ARHGEF37: variants seen among roughly 807,000 people sequenced by gnomAD.
The protein encoded by ARHGEF37 is Rho guanine nucleotide exchange factor 37.
Under a neutral mutation model 71.1 loss-of-function variants are expected in ARHGEF37, and 55 were observed. The observed-to-expected ratio is 0.77, with a 90% CI of 0.62 to 0.97. The LOEUF (loss-of-function observed/expected upper bound fraction) is 0.97. Among genes scored for constraint, ARHGEF37 ranks in the 50% least tolerant of loss-of-function variants. ARHGEF37 has a pLI of 0.00. For synonymous variants in ARHGEF37, 327 were observed against 350.6 expected (o/e 0.93, Z 0.75); for missense variants, 765 against 836.8 (o/e 0.91, Z 1.06).
At chr5:149,552,699 G>T (rs1159953795) in intron 1 of ARHGEF37, among the ~76,000 whole-genome samples, 1 of 152,002 alleles carries the variant, frequency 6.6e-6, no homozygotes, top group Admixed American at 6.6e-5. Flanking sequence ...TTAGCCGGGT[G>T]TGATGGCGCA....
At chr5:149,585,508 C>T (rs962348625) in intron 1 of ARHGEF37, among the ~76,000 whole-genome samples, 6 of 151,950 alleles carry the variant, frequency 3.9e-5, no homozygotes, top group Non-Finnish European at 7.4e-5. Flanking sequence ...CTACATAGTG[C>T]ATACTGTATT....
intron 1 of ARHGEF37, among the ~76,000 whole-genome samples, chr5:149,561,367 G>A (rs1762828267): frequency 6.6e-6 from 1 of 151,202 alleles, no homozygotes; most frequent in South Asian, 2.1e-4. Context: ...AGTGACCTCT[G>A]TAAATCTCTT....
chr5:149,601,705 G>A (rs536669527), intron 3 of ARHGEF37, among the ~76,000 whole-genome samples: 1 of 152,328 alleles, frequency 6.6e-6, no homozygotes, highest in East Asian at 1.9e-4. Flanking sequence ...TAACTTCTGG[G>A]TGTGAGGGAA....
At chr5:149,597,983 G>C in intron 2 of ARHGEF37, 28 bp downstream of exon 2, 2 of 1,528,660 alleles carry the variant, frequency 1.3e-6, no homozygotes, top group Non-Finnish European at 1.8e-6. Context: ...CACACAACCT[G>C]TCTTTATAGG....
intron 4 of ARHGEF37, among the ~76,000 whole-genome samples, chr5:149,614,752 C>A (rs1057017986): frequency 2.0e-5 from 3 of 152,186 alleles, no homozygotes; most frequent in Non-Finnish European, 2.9e-5. Context: ...CTGCCCCCTG[C>A]AGCTTCTGAG....
rs779052662 is a variant in ARHGEF37, at chr5:149,620,480, C to T, written c.1005+16C>T. On this transcript the variant is annotated intron_variant, in intron 8 of 12. Transcript: ENST00000333677. ...CCTGAAATTTGTGAGTGGAACCTTT[C>T]CTTTCTCCTTTCTTTGTTAGGCAGG... The T allele has an allele frequency of 1.9e-6, 3 of 1,550,036 alleles. No individual in the cohort carries two copies. In the African/African-American group the frequency reaches 4.1e-5, roughly 21 times the overall value.
chr5:149,632,054 A>G lies in ARHGEF37; in HGVS notation c.1891A>G (p.Ile631Val), dbSNP rs1156404381. 4 of 1,614,124 alleles carry G rather than the reference A, an allele frequency of 2.5e-6. No individual in the cohort carries two copies. The African/African-American group carries it at 4.0e-5, about 16-fold the overall frequency. Reference protein sequence around the residue: ...VSLQAGQPVTILEAQDKKGNP... With the variant: ...VSLQAGQPVTVLEAQDKKGNP... ...CCTGCAGGCAGGCCAGCCTGTGACC[A>G]TCCTGGAGGCCCAGGACAAGAAGGG... Residue 631 changes from isoleucine (I) to valine (V), a missense_variant, in exon 13 of 13, where the codon ATC becomes GTC. By Grantham distance (29) the Ile-to-Val change is conservative. Around this residue, in one of 5 missense-constraint regions of ARHGEF37, gnomAD observed 390 missense variants for 407.4 expected, o/e 0.96. Transcript: ENST00000333677.
intron 3 of ARHGEF37, among the ~76,000 whole-genome samples, chr5:149,606,197 C>T (rs139751364): frequency 6.6e-6 from 1 of 152,308 alleles, no homozygotes; most frequent in East Asian, 1.9e-4. Context: ...CTAGGTTTCA[C>T]GGCCACACCC....
rs182537443 is a variant in ARHGEF37, at chr5:149,554,297, T to G, written c.-12+2174T>G. ...GTGAGCTATGATCAAACCACAGCAT[T>G]CCAGCCTGAGCAACAGAGTGAGACC... On this transcript the variant is annotated intron_variant, in intron 1 of 2. Coordinates refer to the ARHGEF37 transcript ENST00000505810. Among the ~76,000 whole-genome samples, 3 of 152,276 alleles carry G rather than the reference T, an allele frequency of 2.0e-5. No homozygotes were observed. In the East Asian group the frequency reaches 5.8e-4, roughly 29 times the overall value.
Position 149,554,209 on chromosome 5 carries a change from A to C in ARHGEF37, c.-12+2086A>C, listed in dbSNP as rs139751280. ...GCTGCGTACGGTGGCTCATGCATGTAATCCCAACACTTTGGGAGGCCAAGG... is the reference window on the plus strand; with the variant it reads ...GCTGCGTACGGTGGCTCATGCATGTCATCCCAACACTTTGGGAGGCCAAGG... On this transcript the variant is annotated intron_variant, in intron 1 of 2. Coordinates refer to the ARHGEF37 transcript ENST00000505810. 2.0e-5 allele frequency among the ~76,000 whole-genome samples: 3 copies of C among 152,284 alleles called. No homozygotes were observed. In the East Asian group the frequency reaches 5.8e-4, roughly 29 times the overall value.
rs908731484 is a variant in ARHGEF37, at chr5:149,609,660, G to A, written c.423G>A (p.Leu141=). ...ACACGTACCGGAAGGAGCCGGAGCT[G>A]CAGCGGCACATCCAGGGCATCGTTG... is the stretch of plus-strand genomic sequence containing the variant. ...LVDTYRKEPE[L]QRHIQGIVEA... Residue 141 remains leucine, a synonymous_variant, in exon 4 of 13, where the codon CTG becomes CTA. Transcript: ENST00000333677. 3.1e-6 allele frequency: 5 copies of A among 1,612,552 alleles called. No individual in the cohort carries two copies. In the Admixed American group the frequency reaches 8.3e-5, roughly 27 times the overall value.
Position 149,633,923 on chromosome 5 carries a change from C to T in ARHGEF37, c.*1732C>T, listed in dbSNP as rs1233688864. On this transcript the variant is annotated 3_prime_UTR_variant, in exon 13 of 13. Coordinates refer to ENST00000333677, the MANE Select transcript of ARHGEF37 (RefSeq NM_001001669.3). ...CTTGAGAGGATGCTCTTGACTCATT[C>T]TCTCTGCTCTTTCCTGCTCAGATTT... is the stretch of plus-strand genomic sequence containing the variant. 1.3e-5 allele frequency: 2 copies of T among 152,176 alleles called. No homozygotes were observed. Among genetic ancestry groups the T allele is most frequent in the African/African-American group, 4.8e-5 (2 of 41,452 alleles). The allele number at this position is 152,176 out of a possible 1,614,324, so 9.4% of individuals were successfully genotyped here.
intron 9 of ARHGEF37, 90 bp from the exon 10 acceptor site, chr5:149,623,922 T>C: frequency 6.7e-7 from 1 of 1,484,798 alleles, no homozygotes; most frequent in Non-Finnish European, 9.1e-7. Flanking sequence ...CAGAACTCCT[T>C]GGGTTGAAAA....
At chr5:149,592,270 G>A (rs1182722270) in intron 1 of ARHGEF37, among the ~76,000 whole-genome samples, 1 of 152,202 alleles carries the variant, frequency 6.6e-6, no homozygotes, top group African/African-American at 2.4e-5. Flanking sequence ...TCACCACAAA[G>A]TTCTCTCTGT....
At chr5:149,589,099 C>T (rs1242444105) in intron 1 of ARHGEF37, among the ~76,000 whole-genome samples, 1 of 151,794 alleles carries the variant, frequency 6.6e-6, no homozygotes, top group South Asian at 2.1e-4. Context: ...TATGGTGGCA[C>T]ATGTCTGTAG....
At chr5:149,629,003 C>A (rs772669603) in intron 12 of ARHGEF37, 37 bp downstream of exon 12, 1 of 1,591,172 alleles carries the variant, frequency 6.3e-7, no homozygotes, top group Non-Finnish European at 8.6e-7. Context: ...TGCCTCCCAT[C>A]GGCCATCCGG....
At chr5:149,603,594 T>C (rs1763823515) in intron 3 of ARHGEF37, among the ~76,000 whole-genome samples, 1 of 152,198 alleles carries the variant, frequency 6.6e-6, no homozygotes, top group Non-Finnish European at 1.5e-5. Context: ...TGAGTTACTA[T>C]TCCCTACAAA....
At chr5:149,568,379 C>T (rs1762922288) in intron 1 of ARHGEF37, among the ~76,000 whole-genome samples, 1 of 152,044 alleles carries the variant, frequency 6.6e-6, no homozygotes, top group South Asian at 2.1e-4. Context: ...TAATTGCTAA[C>T]CTGTACCTCC....
At chr5:149,629,055 C>G in intron 12 of ARHGEF37, 89 bp downstream of exon 12, 3 of 1,450,066 alleles carry the variant, frequency 2.1e-6, no homozygotes, top group Admixed American at 2.3e-5. Context: ...GTCTATGCCC[C>G]TCCTGTCTGG....
Sources: gnomAD v4.1 joint callset for allele counts (sites outside exome capture counted in the v4.1 genomes callset) on GRCh38, gnomAD v4.1.1 for gene constraint, gnomAD v4.1.1 regional missense constraint, MANE v1.5 for transcripts, NCBI Gene and HGNC (gene_info 2026-07-23, HGNC 2026-07-21) for gene names.